Variants in TP63 observed in about 807,000 individuals in gnomAD.
The protein encoded by TP63 is tumor protein p63.
In TP63, 17 loss-of-function variants were observed where a neutral mutation model predicts 82.8. The observed-to-expected ratio is 0.21, with a 90% CI of 0.14 to 0.31. The LOEUF is 0.31. Among genes scored for constraint, TP63 ranks in the 10% least tolerant of loss-of-function variants. The probability of loss-of-function intolerance (pLI) is 1.00; values close to 1 mark genes in which losing one functional copy is unlikely to be tolerated. For missense variants in TP63, 648 were observed against 895.3 expected, an observed-to-expected ratio of 0.72 and a Z score of 3.52; for synonymous variants, 330 against 321.7, an observed-to-expected ratio of 1.03 and a Z score of -0.28.
chr3:189,610,541 C>A, the TP63 span, among the ~76,000 whole-genome samples: 1 of 152,192 alleles, frequency 6.6e-6, no homozygotes, highest in Non-Finnish European at 1.5e-5. Flanking sequence ...CTGAGACCAC[C>A]TCAGCATGGA....
chr3:189,613,623 T>TAA, the TP63 span, among the ~76,000 whole-genome samples: 1 of 152,118 alleles, frequency 6.6e-6, no homozygotes, highest in East Asian at 1.9e-4. Flanking sequence ...CCCAGAATGG[T>TAA]AGATTCACTG....
chr3:189,673,531 C>A (rs1482689145), intron 1 of TP63, among the ~76,000 whole-genome samples: 1 of 151,992 alleles, frequency 6.6e-6, no homozygotes, highest in Non-Finnish European at 1.5e-5. Flanking sequence ...CATATAAATA[C>A]AAACAAATGA....
the TP63 span, among the ~76,000 whole-genome samples, chr3:189,599,811 T>A: frequency 6.6e-6 from 1 of 152,234 alleles, no homozygotes; most frequent in African/African-American, 2.4e-5. Flanking sequence ...AAACACTAGA[T>A]TTGAAAATTG....
chr3:189,637,909 G>A (rs1207771428), intron 1 of TP63, among the ~76,000 whole-genome samples: 1 of 152,100 alleles, frequency 6.6e-6, no homozygotes, highest in Non-Finnish European at 1.5e-5. Context: ...GAAAGCGGAA[G>A]GTAGAAGAGT....
the TP63 span, among the ~76,000 whole-genome samples, chr3:189,598,055 C>G: frequency 6.6e-6 from 1 of 151,718 alleles, no homozygotes; most frequent in Non-Finnish European, 1.5e-5. Context: ...CTGAAATGAA[C>G]TTATAAATTC....
intron 4 of TP63, among the ~76,000 whole-genome samples, chr3:189,824,686 C>T (rs1039232224): frequency 6.6e-6 from 1 of 152,124 alleles, no homozygotes; most frequent in African/African-American, 2.4e-5. Flanking sequence ...GCCTAGATCA[C>T]AAGCCATACT....
intron 4 of TP63, among the ~76,000 whole-genome samples, 197 bp downstream of exon 4, chr3:189,808,723 G>A (rs912342784): frequency 6.6e-5 from 10 of 152,218 alleles, no homozygotes; most frequent in African/African-American, 2.4e-4. Context: ...GGAACCAAAC[G>A]TCTGCGTTCT....
At chr3:189,883,193 A>C (rs890880633) in intron 10 of TP63, among the ~76,000 whole-genome samples, 1 of 151,986 alleles carries the variant, frequency 6.6e-6, no homozygotes, top group Non-Finnish European at 1.5e-5. Context: ...ATTTTTTTTA[A>C]AAAAGGTTGT....
At chr3:189,648,542 G>A (rs1712614540) in intron 1 of TP63, among the ~76,000 whole-genome samples, 1 of 146,800 alleles carries the variant, frequency 6.8e-6, no homozygotes, top group Non-Finnish European at 1.5e-5. Flanking sequence ...TGCTTTTCCT[G>A]ACCACTGGGA....
At chr3:189,620,888 C>T in the TP63 span, among the ~76,000 whole-genome samples, 2 of 152,298 alleles carry the variant, frequency 1.3e-5, no homozygotes, top group African/African-American at 4.8e-5. Flanking sequence ...CAGAGGTTGT[C>T]CACAAGACAG....
intron 3 of TP63, among the ~76,000 whole-genome samples, chr3:189,765,670 T>G (rs916911533): frequency 3.3e-5 from 5 of 151,870 alleles, no homozygotes; most frequent in African/African-American, 1.2e-4. Flanking sequence ...CCTGACCTCA[T>G]GATCCGCCCA....
chr3:189,832,080 T>G (rs1302603618), intron 4 of TP63, among the ~76,000 whole-genome samples: 1 of 152,038 alleles, frequency 6.6e-6, no homozygotes, highest in Non-Finnish European at 1.5e-5. Context: ...TCCACCTGCC[T>G]TGGCCTCCCA....
intron 3 of TP63, among the ~76,000 whole-genome samples, chr3:189,802,876 C>G (rs1052276727): frequency 2.0e-5 from 3 of 152,274 alleles, no homozygotes; most frequent in Admixed American, 1.3e-4. Flanking sequence ...ACAGTAATCT[C>G]TTCTACCCCT....
chr3:189,763,270 T>C (rs1722714328), intron 3 of TP63, among the ~76,000 whole-genome samples: 1 of 152,096 alleles, frequency 6.6e-6, no homozygotes, highest in Non-Finnish European at 1.5e-5. Context: ...CAAGGCCCTG[T>C]CTCTAAAAAA....
chr3:189,765,121 C>G (rs964059133), intron 3 of TP63, among the ~76,000 whole-genome samples: 1 of 152,020 alleles, frequency 6.6e-6, no homozygotes, highest in South Asian at 2.1e-4. Flanking sequence ...TAGATGCAGC[C>G]AGTTTCCCAT....
chr3:189,732,418 G>A (rs558473267), intron 1 of TP63, among the ~76,000 whole-genome samples: 2 of 152,286 alleles, frequency 1.3e-5, no homozygotes, highest in African/African-American at 4.8e-5. Context: ...ATGGAAGGGA[G>A]GGATAGGTTT....
chr3:189,775,239 A>AAAG (rs1723699922), intron 3 of TP63, among the ~76,000 whole-genome samples: 1 of 138,658 alleles, frequency 7.2e-6, no homozygotes, highest in African/African-American at 2.6e-5. Flanking sequence ...AAAAAAAAAA[A>AAAG]AAAGAAAGAA....
chr3:189,672,642 G>A (rs1231347526), intron 1 of TP63, among the ~76,000 whole-genome samples: 1 of 111,668 alleles, frequency 9.0e-6, no homozygotes, highest in African/African-American at 3.3e-5. Flanking sequence ...GGAAGGGAGG[G>A]AGGGAGGGAG....
intron 3 of TP63, among the ~76,000 whole-genome samples, chr3:189,783,412 A>G (rs187406513): frequency 1.6e-4 from 25 of 152,128 alleles, no homozygotes; most frequent in African/African-American, 6.0e-4. Context: ...TCTAGGATAA[A>G]TGACTGCAAT....
Sources: allele counts gnomAD v4.1 joint callset (sites outside exome capture counted in the v4.1 genomes callset), GRCh38; gene constraint gnomAD v4.1.1; transcripts MANE v1.5; gene names NCBI Gene and HGNC (gene_info 2026-07-23, HGNC 2026-07-21).